BLTP3B: variants seen among roughly 807,000 people sequenced by gnomAD.
The protein encoded by BLTP3B is bridge-like lipid transfer protein family member 3B.
At chr12:100,064,353 G>T in the BLTP3B span, among the ~76,000 whole-genome samples, 1 of 152,178 alleles carries the variant, frequency 6.6e-6, no homozygotes, top group African/African-American at 2.4e-5. Flanking sequence ...TAAAAGTTTA[G>T]AAAACATATT....
the BLTP3B span, chr12:100,051,366 G>GA: frequency 1.6e-6 from 1 of 610,810 alleles, no homozygotes; most frequent in Non-Finnish European, 2.6e-6. Flanking sequence ...AGAAAAATTA[G>GA]ATTGTAATTA....
At chr12:100,109,824 G>A in the BLTP3B span, among the ~76,000 whole-genome samples, 1 of 151,806 alleles carries the variant, frequency 6.6e-6, no homozygotes, top group South Asian at 2.1e-4. Flanking sequence ...ATTTTCCAAG[G>A]GTTTACTGTG....
the BLTP3B span, among the ~76,000 whole-genome samples, chr12:100,055,003 T>A: frequency 6.6e-6 from 1 of 152,082 alleles, no homozygotes; most frequent in East Asian, 1.9e-4. Flanking sequence ...CTAAGGGTGG[T>A]TTAATAAATG....
chr12:100,138,533 TA>T, the BLTP3B span, among the ~76,000 whole-genome samples: 4 of 152,328 alleles, frequency 2.6e-5, no homozygotes, highest in South Asian at 2.1e-4. Context: ...GCAGTAGTAT[TA>T]CCCTCCCCTC....
chr12:100,119,523 T>G, the BLTP3B span, among the ~76,000 whole-genome samples: 1 of 152,112 alleles, frequency 6.6e-6, no homozygotes, highest in East Asian at 1.9e-4. Context: ...GTTGGAAACA[T>G]TATACTGCCA....
chr12:100,038,366 G>A, the BLTP3B span, among the ~76,000 whole-genome samples: 11 of 151,688 alleles, frequency 7.3e-5, no homozygotes, highest in East Asian at 7.7e-4. Flanking sequence ...ATGGAATTTC[G>A]CTCTTGTTGC....
the BLTP3B span, among the ~76,000 whole-genome samples, chr12:100,120,147 C>G: frequency 6.6e-6 from 1 of 152,226 alleles, no homozygotes; most frequent in South Asian, 2.1e-4. Flanking sequence ...GAGGCCTAGG[C>G]GGGCGGATCA....
At chr12:100,042,996 A>C in the BLTP3B span, among the ~76,000 whole-genome samples, 2 of 152,140 alleles carry the variant, frequency 1.3e-5, no homozygotes, top group Non-Finnish European at 2.9e-5. Context: ...CAAGGGTTTC[A>C]CCATGTTGGC....
the BLTP3B span, among the ~76,000 whole-genome samples, chr12:100,091,134 T>C: frequency 6.6e-6 from 1 of 151,312 alleles, no homozygotes; most frequent in African/African-American, 2.4e-5. Context: ...TCAAGTGATT[T>C]TCCTCCCAAG....
chr12:100,111,417 A>C, the BLTP3B span, among the ~76,000 whole-genome samples: 1 of 150,078 alleles, frequency 6.7e-6, no homozygotes, highest in Non-Finnish European at 1.5e-5. Flanking sequence ...CAGCTTTCCA[A>C]GTAGCTGGGA....
At chr12:100,057,730 G>A in the BLTP3B span, 85 of 1,610,556 alleles carry the variant, frequency 5.3e-5, 1 homozygote, top group South Asian at 8.7e-4. Flanking sequence ...GGTGGGCAAC[G>A]TTCCTTAGGC....
chr12:100,114,465 T>C, the BLTP3B span, among the ~76,000 whole-genome samples: 2 of 152,228 alleles, frequency 1.3e-5, no homozygotes, highest in Non-Finnish European at 2.9e-5. Flanking sequence ...ATCCTTAATA[T>C]GAACCAGTAA....
At chr12:100,089,591 CAAAA>C in the BLTP3B span, among the ~76,000 whole-genome samples, 14 of 151,838 alleles carry the variant, frequency 9.2e-5, no homozygotes, top group African/African-American at 3.4e-4. Flanking sequence ...AAAAAACAAA[CAAAA>C]AAACTGTAAA....
At chr12:100,098,376 A>G in the BLTP3B span, 1 of 1,607,944 alleles carries the variant, frequency 6.2e-7, no homozygotes, top group Non-Finnish European at 8.5e-7. Context: ...GATCCTGAAT[A>G]CGAGTAAATC....
chr12:100,059,191 C>T, the BLTP3B span: 1 of 1,614,120 alleles, frequency 6.2e-7, no homozygotes, highest in Non-Finnish European at 8.5e-7. Flanking sequence ...GAAAAGTACA[C>T]AGCCCAAACA....
At chr12:100,052,763 C>T in the BLTP3B span, among the ~76,000 whole-genome samples, 1 of 143,730 alleles carries the variant, frequency 7.0e-6, no homozygotes, top group African/African-American at 2.6e-5. Flanking sequence ...ATGATCAAAT[C>T]TATGTTGTTG....
chr12:100,093,713 T>C, the BLTP3B span, among the ~76,000 whole-genome samples: 1 of 152,210 alleles, frequency 6.6e-6, no homozygotes, highest in Non-Finnish European at 1.5e-5. Flanking sequence ...AGATCAAGTT[T>C]AAGAAAGAAT....
the BLTP3B span, chr12:100,128,778 G>A: frequency 8.1e-7 from 1 of 1,228,764 alleles, no homozygotes; most frequent in Non-Finnish European, 1.0e-6. Flanking sequence ...TTAAGGGAAG[G>A]AAGAGGAAAG....
chr12:100,121,354 GA>G, the BLTP3B span, among the ~76,000 whole-genome samples: 7,655 of 97,000 alleles, frequency 0.079, 193 homozygotes, highest in Middle Eastern at 0.19. Context: ...CCATCTCATG[GA>G]AAAAAAAAAA....
Sources: gnomAD v4.1 joint callset for allele counts (sites outside exome capture counted in the v4.1 genomes callset) on GRCh38, gnomAD v4.1.1 for gene constraint, MANE v1.5 for transcripts, NCBI Gene and HGNC (gene_info 2026-07-23, HGNC 2026-07-21) for gene names.